Variants in ADARB2 observed in about 807,000 individuals in gnomAD.
ADARB2 encodes inactive double-stranded RNA-specific editase B2.
A neutral mutation model predicts 62.2 loss-of-function variants in ADARB2; 25 were observed. The observed-to-expected ratio is 0.40, with a 90% CI of 0.29 to 0.56. The LOEUF is 0.56. Ranked by LOEUF, ADARB2 falls within the 20% of genes least tolerant of loss-of-function variation. The pLI, the probability that ADARB2 is intolerant of heterozygous loss-of-function variation, is 0.43. For missense variants in ADARB2, 1,071 were observed against 1,077.4 expected (o/e 0.99, Z 0.08); for synonymous variants, 572 against 500.8 (o/e 1.14, Z -1.90).
intron 1 of ADARB2, among the ~76,000 whole-genome samples, chr10:1,603,977 G>C (rs1833464042): frequency 6.6e-6 from 1 of 151,922 alleles, no homozygotes; most frequent in East Asian, 1.9e-4. Context: ...ACTAATTTTT[G>C]TATTTTTAGT....
chr10:1,618,114 C>T (rs549617830), intron 1 of ADARB2, among the ~76,000 whole-genome samples: 12 of 152,316 alleles, frequency 7.9e-5, no homozygotes, highest in Admixed American at 7.2e-4. Flanking sequence ...CCATCTGCTG[C>T]CTGCCCAAAC....
intron 1 of ADARB2, among the ~76,000 whole-genome samples, chr10:1,702,425 G>C (rs1462252718): frequency 6.6e-6 from 1 of 152,158 alleles, no homozygotes; most frequent in East Asian, 1.9e-4. Flanking sequence ...TGAGGGTCTG[G>C]GGCCCTTGAC....
intron 1 of ADARB2, among the ~76,000 whole-genome samples, chr10:1,653,977 G>T (rs1023266555): frequency 4.6e-5 from 7 of 152,110 alleles, no homozygotes; most frequent in African/African-American, 1.7e-4. Flanking sequence ...GCATAAAATC[G>T]CAGGGAGATG....
intron 1 of ADARB2, among the ~76,000 whole-genome samples, chr10:1,383,260 G>A (rs1438712483): frequency 6.6e-6 from 1 of 152,154 alleles, no homozygotes; most frequent in Admixed American, 6.5e-5. Context: ...TATTACGACC[G>A]TTTGGGAGAA....
chr10:1,437,228 A>G (rs1327062745), intron 1 of ADARB2, among the ~76,000 whole-genome samples: 1 of 147,086 alleles, frequency 6.8e-6, no homozygotes, highest in African/African-American at 2.6e-5. Flanking sequence ...ACATATATAT[A>G]TATACACACA....
At chr10:1,475,364 C>T (rs868458536) in intron 1 of ADARB2, among the ~76,000 whole-genome samples, 1 of 152,184 alleles carries the variant, frequency 6.6e-6, no homozygotes, top group African/African-American at 2.4e-5. Flanking sequence ...GAGTCTGTTT[C>T]AGGTGCTGTG....
intron 1 of ADARB2, among the ~76,000 whole-genome samples, chr10:1,666,982 G>C (rs1162369177): frequency 2.1e-4 from 32 of 152,078 alleles, no homozygotes. Context: ...AAAGACCCCT[G>C]ATGTAATCTA....
intron 1 of ADARB2, among the ~76,000 whole-genome samples, chr10:1,408,560 C>G (rs978309040): frequency 6.6e-6 from 1 of 152,178 alleles, no homozygotes; most frequent in Non-Finnish European, 1.5e-5. Context: ...CAGGGCCACC[C>G]GTCCAGCATG....
chr10:1,439,275 C>G (rs1440346148), intron 1 of ADARB2, among the ~76,000 whole-genome samples: 4 of 127,470 alleles, frequency 3.1e-5, no homozygotes, highest in African/African-American at 1.4e-4. Context: ...GTCTCCTCAG[C>G]AGATGGAGGC....
At chr10:1,673,159 G>C (rs1162883852) in intron 1 of ADARB2, among the ~76,000 whole-genome samples, 1 of 152,118 alleles carries the variant, frequency 6.6e-6, no homozygotes, top group Non-Finnish European at 1.5e-5. Context: ...TGAAAAGTCT[G>C]TTATTCTGGC....
chr10:1,456,233 C>T (rs1476368806), intron 1 of ADARB2, among the ~76,000 whole-genome samples: 1 of 152,140 alleles, frequency 6.6e-6, no homozygotes, highest in Non-Finnish European at 1.5e-5. Flanking sequence ...CACTGTAATT[C>T]CTTGTCCCTG....
chr10:1,377,207 CGT>C, intron 2 of ADARB2, among the ~76,000 whole-genome samples: 1 of 60,372 alleles, frequency 1.7e-5, no homozygotes, highest in Non-Finnish European at 3.0e-5. Context: ...GGGGTGTGTG[CGT>C]TTGTGTGCGC....
In ADARB2 at chr10:1,422,802, C is replaced by A. The variant is rs924236975; in HGVS notation, c.101-43642G>T. The stretch of plus-strand genomic sequence containing the variant: ...AAGGATCCACTGGGCTTTCGGCCTG[C>A]GGCACCCAGGTATGAAGGGCATTAG... On this transcript the variant is annotated intron_variant, in intron 1 of 9. Transcript: ENST00000381312. 2.6e-5 allele frequency among the ~76,000 whole-genome samples: 4 copies of A among 152,302 alleles called. No individual in the cohort carries two copies. The East Asian group carries it at 7.7e-4, about 29-fold the overall frequency.
intron 8 of ADARB2, among the ~76,000 whole-genome samples, chr10:1,185,273 C>G (rs186068589): frequency 6.6e-6 from 1 of 152,212 alleles, no homozygotes; most frequent in South Asian, 2.1e-4. Flanking sequence ...ACCTTCTAAT[C>G]GAAGATTTTA....
chr10:1,348,692 C>T (rs767493459), intron 3 of ADARB2, among the ~76,000 whole-genome samples: 2 of 152,180 alleles, frequency 1.3e-5, no homozygotes, highest in Non-Finnish European at 2.9e-5. Flanking sequence ...GTGAAGGCCC[C>T]GAGATGGGGT....
intron 1 of ADARB2, among the ~76,000 whole-genome samples, chr10:1,519,516 C>G (rs1209287395): frequency 6.6e-6 from 1 of 152,162 alleles, no homozygotes; most frequent in African/African-American, 2.4e-5. Context: ...GTCTGAGGAG[C>G]TCCCTGAAGG....
At chr10:1,205,132 A>G (rs1182663342) in intron 7 of ADARB2, among the ~76,000 whole-genome samples, 1 of 152,268 alleles carries the variant, frequency 6.6e-6, no homozygotes, top group Non-Finnish European at 1.5e-5. Flanking sequence ...AGGGCCTCCA[A>G]CCGCCCCAGC....
chr10:1,618,685 A>G (rs978126194), intron 1 of ADARB2, among the ~76,000 whole-genome samples: 3 of 152,118 alleles, frequency 2.0e-5, no homozygotes, highest in African/African-American at 7.2e-5. Flanking sequence ...TCAGATCTTA[A>G]GTGGTGCCAC....
intron 1 of ADARB2, among the ~76,000 whole-genome samples, chr10:1,494,720 C>A (rs1831666060): frequency 6.6e-6 from 1 of 152,120 alleles, no homozygotes; most frequent in Non-Finnish European, 1.5e-5. Context: ...ATTAGGCTTA[C>A]TCTCTGACTC....
Sources: gnomAD v4.1 joint callset for allele counts (sites outside exome capture counted in the v4.1 genomes callset) on GRCh38, gnomAD v4.1.1 for gene constraint, MANE v1.5 for transcripts, NCBI Gene and HGNC (gene_info 2026-07-23, HGNC 2026-07-21) for gene names.